METTL24: variants seen among roughly 807,000 people sequenced by gnomAD.
METTL24 encodes methyltransferase like 24.
A neutral mutation model predicts 32.7 loss-of-function variants in METTL24; 29 were observed. That is an observed-to-expected ratio of 0.89 (90% CI 0.66 to 1.21). The LOEUF (loss-of-function observed/expected upper bound fraction) is 1.21, where lower values mean the gene tolerates loss of function less well. Among genes scored for constraint, METTL24 ranks in the 50% most tolerant of loss-of-function variants. The pLI is 0.00. For missense variants in METTL24, 439 were observed against 468.1 expected (o/e 0.94, Z 0.57); for synonymous variants, 163 against 179.5 (o/e 0.91, Z 0.73).
At chr6:110,309,773 A>G (rs1020015795) in intron 3 of METTL24, among the ~76,000 whole-genome samples, 28 of 152,158 alleles carry the variant, frequency 1.8e-4, no homozygotes, top group South Asian at 4.1e-4. Flanking sequence ...TGGGAATTAT[A>G]GGAACTACAA....
intron 1 of METTL24, chr6:110,357,480 T>C (rs1430464246): frequency 6.6e-6 from 1 of 152,280 alleles, no homozygotes; most frequent in Non-Finnish European, 1.5e-5. Context: ...TTCAGCGAGA[T>C]GAAGGCAGTG....
At chr6:110,271,303 T>G (rs1287921029) in intron 4 of METTL24, among the ~76,000 whole-genome samples, 1 of 152,016 alleles carries the variant, frequency 6.6e-6, no homozygotes, top group Non-Finnish European at 1.5e-5. Flanking sequence ...TGTCTTTTTA[T>G]TTTCTTTTTT....
At chr6:110,280,103 A>G (rs1440609244) in intron 4 of METTL24, among the ~76,000 whole-genome samples, 1 of 152,188 alleles carries the variant, frequency 6.6e-6, no homozygotes, top group African/African-American at 2.4e-5. Context: ...GGTGCTAAAT[A>G]TTACATGAGA....
chr6:110,270,077 T>C (rs1482334693), intron 4 of METTL24, among the ~76,000 whole-genome samples: 1 of 152,224 alleles, frequency 6.6e-6, no homozygotes, highest in African/African-American at 2.4e-5. Context: ...TCCAAAAATA[T>C]ATACTTCTAA....
chr6:110,263,292 G>A (rs1770784828), intron 4 of METTL24, among the ~76,000 whole-genome samples: 1 of 152,120 alleles, frequency 6.6e-6, no homozygotes, highest in African/African-American at 2.4e-5. Flanking sequence ...CAAAATCAAT[G>A]TGCAAAAATC....
intron 4 of METTL24, among the ~76,000 whole-genome samples, chr6:110,279,952 C>A: frequency 6.6e-6 from 1 of 152,160 alleles, no homozygotes; most frequent in Non-Finnish European, 1.5e-5. Context: ...AGGAAACTTA[C>A]AATCGTGGCA....
At chr6:110,311,736 A>C (rs1771727611) in intron 3 of METTL24, among the ~76,000 whole-genome samples, 1 of 152,168 alleles carries the variant, frequency 6.6e-6, no homozygotes, top group Admixed American at 6.5e-5. Flanking sequence ...AGCCTCAAAA[A>C]GTGCTGGGCT....
intron 1 of METTL24, among the ~76,000 whole-genome samples, chr6:110,356,932 T>C (rs983488224): frequency 6.6e-6 from 1 of 152,208 alleles, no homozygotes; most frequent in Non-Finnish European, 1.5e-5. Flanking sequence ...TGCTGGGTTG[T>C]GGTGCTGAAA....
chr6:110,292,520 C>CT (rs547122804), intron 4 of METTL24, among the ~76,000 whole-genome samples: 74 of 151,506 alleles, frequency 4.9e-4, no homozygotes, highest in Non-Finnish European at 8.7e-4. Context: ...AGTTGTGGAT[C>CT]TTTTTTTTAA....
Position 110,357,977 on chromosome 6 carries a change from G to C in METTL24, c.296C>G (p.Pro99Arg), listed in dbSNP as rs576289966. ...SGTPEPGCCA[P>R]RGRPRRKGPR... The stretch of plus-strand genomic sequence containing the variant: ...GACCTTCCGGCGGGGGCGCCCGCGC[G>C]GGGCACAGCAGCCAGGCTCCGGCGT... The change falls in exon 1 of 5, where the codon CCG becomes CGG. Residue 99 changes from proline (P) to arginine (R), a missense_variant. Transcript: ENST00000338882. 16 of 1,179,886 alleles carry C rather than the reference G, an allele frequency of 1.4e-5. No homozygotes were observed. Among genetic ancestry groups the C allele is most frequent in the Non-Finnish European group, 1.7e-5 (16 of 954,262 alleles). 73.1% of individuals were successfully genotyped at this position (1,179,886 alleles called of 1,614,324 possible). A position where few individuals can be genotyped will look rare whatever the true frequency, so the allele number is the denominator to read the frequency against.
chr6:110,254,877 C>CA (rs755987694), intron 4 of METTL24, among the ~76,000 whole-genome samples: 37 of 152,058 alleles, frequency 2.4e-4, no homozygotes, highest in Non-Finnish European at 5.4e-4. Context: ...AGTGTACCTG[C>CA]AAAACTAGAA....
At chr6:110,351,357 A>G (rs1356377387) in intron 1 of METTL24, among the ~76,000 whole-genome samples, 1 of 152,194 alleles carries the variant, frequency 6.6e-6, no homozygotes, top group Non-Finnish European at 1.5e-5. Context: ...TGCCAATGCT[A>G]CTTGGAAATA....
Position 110,293,509 on chromosome 6 carries a change from T to C in METTL24, c.786+5413A>G, listed in dbSNP as rs566825182. Among the ~76,000 whole-genome samples, 43 of 152,100 alleles carry C rather than the reference T, an allele frequency of 2.8e-4. No individual in the cohort carries two copies. In the South Asian group the frequency reaches 8.9e-3, roughly 31 times the overall value. ...AGTTTTCTAGTATACCATCATATTG[T>C]CTTCAATTAATATGTCCTTCAATAA... On this transcript the variant is annotated intron_variant, in intron 4 of 4. Transcript: ENST00000338882.
intron 1 of METTL24, among the ~76,000 whole-genome samples, chr6:110,341,170 TCTC>T (rs1222547792): frequency 6.6e-6 from 1 of 152,234 alleles, no homozygotes; most frequent in Non-Finnish European, 1.5e-5. Context: ...GGCACTCTTT[TCTC>T]CTGTGTCTTG....
At chr6:110,273,567 C>T (rs534285329) in intron 4 of METTL24, among the ~76,000 whole-genome samples, 103 of 151,086 alleles carry the variant, frequency 6.8e-4, no homozygotes, top group Non-Finnish European at 1.2e-3. Context: ...CCTAAGGACA[C>T]GAATAGACAA....
At chr6:110,289,189 T>C (rs931871005) in intron 4 of METTL24, among the ~76,000 whole-genome samples, 3 of 152,046 alleles carry the variant, frequency 2.0e-5, no homozygotes, top group African/African-American at 7.3e-5. Context: ...CTACTGAAAA[T>C]ACACCAGTAA....
At chr6:110,319,268 G>T (rs1771885140) in intron 2 of METTL24, among the ~76,000 whole-genome samples, 1 of 130,934 alleles carries the variant, frequency 7.6e-6, no homozygotes, top group Non-Finnish European at 1.5e-5. Flanking sequence ...CCCTGTGTGT[G>T]TATGTGTGTG....
chr6:110,283,389 T>C (rs562325312), intron 4 of METTL24, among the ~76,000 whole-genome samples: 1 of 152,268 alleles, frequency 6.6e-6, no homozygotes, highest in African/African-American at 2.4e-5. Flanking sequence ...AAAAATTTTT[T>C]CCATAATCTT....
chr6:110,314,426 G>T (rs565356758), intron 3 of METTL24, among the ~76,000 whole-genome samples: 2 of 152,070 alleles, frequency 1.3e-5, no homozygotes, highest in East Asian at 3.9e-4. Flanking sequence ...CCATTACTTT[G>T]TAGCCATCCT....
Sources: gnomAD v4.1 joint callset for allele counts (sites outside exome capture counted in the v4.1 genomes callset) on GRCh38, gnomAD v4.1.1 for gene constraint, MANE v1.5 for transcripts, NCBI Gene and HGNC (gene_info 2026-07-23, HGNC 2026-07-21) for gene names.